Variants in ZNRF3 observed in about 807,000 individuals in gnomAD.
ZNRF3 encodes the protein zinc and ring finger 3.
Under a neutral mutation model 72.5 loss-of-function variants are expected in ZNRF3, and 23 were observed. The observed-to-expected ratio is 0.32, with a 90% CI of 0.23 to 0.45. The LOEUF is 0.45. Among genes scored for constraint, ZNRF3 ranks in the 20% least tolerant of loss-of-function variants. The pLI is 1.00. For missense variants in ZNRF3, 1,169 were observed against 1,272.1 expected (o/e 0.92, Z 1.23); for synonymous variants, 610 against 545.3 (o/e 1.12, Z -1.65).
intron 2 of ZNRF3, among the ~76,000 whole-genome samples, chr22:29,021,648 C>T (rs1316560134): frequency 2.0e-5 from 3 of 151,990 alleles, no homozygotes; most frequent in Admixed American, 6.6e-5. Context: ...CCACCATGCC[C>T]GGCTAATTTT....
chr22:29,011,026 C>T (rs967724249), intron 2 of ZNRF3, among the ~76,000 whole-genome samples: 2 of 152,222 alleles, frequency 1.3e-5, no homozygotes, highest in African/African-American at 4.8e-5. Flanking sequence ...GTCACCTGTG[C>T]TTTCGGTGTC....
chr22:28,892,292 G>A (rs1451116456), intron 1 of ZNRF3, among the ~76,000 whole-genome samples: 1 of 151,774 alleles, frequency 6.6e-6, no homozygotes, highest in African/African-American at 2.4e-5. Flanking sequence ...TAGGTGTCCA[G>A]ACAGCACACG....
At chr22:28,993,854 T>C (rs2035998697) in intron 2 of ZNRF3, among the ~76,000 whole-genome samples, 1 of 152,148 alleles carries the variant, frequency 6.6e-6, no homozygotes. Context: ...AGCTAGTTTT[T>C]AATTTTTTTG....
intron 2 of ZNRF3, among the ~76,000 whole-genome samples, chr22:29,042,220 G>C (rs1250319834): frequency 6.6e-6 from 1 of 152,144 alleles, no homozygotes; most frequent in Non-Finnish European, 1.5e-5. Flanking sequence ...AGGGTAATTC[G>C]CATATCCATT....
intron 1 of ZNRF3, among the ~76,000 whole-genome samples, chr22:28,961,666 A>C (rs1344505817): frequency 6.6e-6 from 1 of 152,214 alleles, no homozygotes; most frequent in Non-Finnish European, 1.5e-5. Flanking sequence ...AACTCTGTGA[A>C]TTAGAAAGGG....
At chr22:28,983,392 T>G (rs534091669) in intron 1 of ZNRF3, among the ~76,000 whole-genome samples, 26 of 152,326 alleles carry the variant, frequency 1.7e-4, no homozygotes, top group Non-Finnish European at 2.9e-4. Flanking sequence ...GCTCTCCACA[T>G]GCCTTTCCTG....
At chr22:28,960,161 A>G (rs1160879737) in intron 1 of ZNRF3, among the ~76,000 whole-genome samples, 5 of 152,156 alleles carry the variant, frequency 3.3e-5, no homozygotes, top group African/African-American at 1.2e-4. Flanking sequence ...TCACCTGGGA[A>G]GCATGTTAAA....
At chr22:28,921,462 G>T (rs2034511438) in intron 1 of ZNRF3, among the ~76,000 whole-genome samples, 2 of 152,174 alleles carry the variant, frequency 1.3e-5, no homozygotes, top group African/African-American at 4.8e-5. Flanking sequence ...CTCCGAATGA[G>T]CTTTGGCCTT....
chr22:28,911,774 C>G (rs1183202980), intron 1 of ZNRF3, among the ~76,000 whole-genome samples: 1 of 152,086 alleles, frequency 6.6e-6, no homozygotes, highest in African/African-American at 2.4e-5. Context: ...CCTAACCCCT[C>G]AGTTTGGGCT....
chr22:28,961,151 C>A (rs1371773928), intron 1 of ZNRF3, among the ~76,000 whole-genome samples: 1 of 152,114 alleles, frequency 6.6e-6, no homozygotes, highest in Non-Finnish European at 1.5e-5. Flanking sequence ...TCCAAGATGG[C>A]ACAAAAGGGT....
intron 1 of ZNRF3, among the ~76,000 whole-genome samples, chr22:28,912,827 G>A (rs2034343670): frequency 1.3e-5 from 2 of 152,010 alleles, no homozygotes; most frequent in Non-Finnish European, 2.9e-5. Flanking sequence ...ACCACACCCA[G>A]CTAATTTTTT....
chr22:28,965,225 T>C (rs976372134), intron 1 of ZNRF3, among the ~76,000 whole-genome samples: 1 of 152,164 alleles, frequency 6.6e-6, no homozygotes, highest in African/African-American at 2.4e-5. Flanking sequence ...TATAAGGTTG[T>C]TGTTAAGATT....
intron 2 of ZNRF3, among the ~76,000 whole-genome samples, chr22:29,028,927 T>A (rs562360157): frequency 6.6e-6 from 1 of 152,146 alleles, no homozygotes; most frequent in African/African-American, 2.4e-5. Flanking sequence ...TCCAAACCAT[T>A]CCCAGCATCC....
At chr22:28,940,530 C>G (rs1360588360) in intron 1 of ZNRF3, among the ~76,000 whole-genome samples, 1 of 144,014 alleles carries the variant, frequency 6.9e-6, no homozygotes, top group African/African-American at 2.5e-5. Context: ...TAGGAGATTG[C>G]TCCCTCTTAA....
chr22:28,896,244 C>T lies in ZNRF3; in HGVS notation c.300+12178C>T, dbSNP rs539447608. ...CCGCCTCCCGGGTTCAAGCGATTCT[C>T]CTGCCTCAGCCTCCCGAGTAGCTGG... On this transcript the variant is annotated intron_variant, in intron 1 of 8. Coordinates refer to ENST00000544604, the MANE Select transcript of ZNRF3 (RefSeq NM_001206998.2). Among the ~76,000 whole-genome samples, 214 of 152,350 alleles carry T rather than the reference C, an allele frequency of 1.4e-3. 1 individual carries two copies. Among genetic ancestry groups the T allele is most frequent in the Non-Finnish European group, 2.4e-3 (161 of 68,032 alleles).
At chr22:29,035,109 G>A (rs2036843461) in intron 2 of ZNRF3, among the ~76,000 whole-genome samples, 1 of 151,140 alleles carries the variant, frequency 6.6e-6, no homozygotes, top group Admixed American at 6.6e-5. Flanking sequence ...CTCCCAAAGT[G>A]CTGGGATTAC....
At position 28,884,035 on chromosome 22, in the gene ZNRF3, C is replaced by T. The variant is rs2033717733; in HGVS notation, c.269C>T (p.Ala90Val). 7.7e-7 allele frequency: 1 copy of T among 1,301,296 alleles called. No individual in the cohort carries two copies. The allele number at this position is 1,301,296 out of a possible 1,614,324, so 80.6% of individuals were successfully genotyped here. A position where few individuals can be genotyped will look rare whatever the true frequency, so the allele number is the denominator to read the frequency against. ...ACGGGCCGCTTCTCGCGGGCCGGGGCCACGCTCAGCGCCGAGGGCGAGATC... is the reference window on the plus strand; with the variant it reads ...ACGGGCCGCTTCTCGCGGGCCGGGGTCACGCTCAGCGCCGAGGGCGAGATC... ...GLTGRFSRAGATLSAEGEIVQ... is the reference protein window; with the variant it reads ...GLTGRFSRAGVTLSAEGEIVQ... The change falls in exon 1 of 9, where the codon GCC becomes GTC. Residue 90 changes from alanine (A) to valine (V), a missense_variant. By Grantham distance (64) the Ala-to-Val change is moderately conservative. Coordinates refer to ENST00000544604, the MANE Select transcript of ZNRF3 (RefSeq NM_001206998.2).
intron 1 of ZNRF3, among the ~76,000 whole-genome samples, chr22:28,888,350 C>T (rs2033827241): frequency 6.6e-6 from 1 of 152,172 alleles, no homozygotes; most frequent in Non-Finnish European, 1.5e-5. Flanking sequence ...ACTTAACAGG[C>T]CTGCCTCTAA....
At chr22:29,031,741 C>T (rs925367730) in intron 2 of ZNRF3, 10 of 565,450 alleles carry the variant, frequency 1.8e-5, no homozygotes, top group South Asian at 7.7e-5. Context: ...GACCTGTGGG[C>T]GTCAGGCGTG....
Sources: allele counts gnomAD v4.1 joint callset (sites outside exome capture counted in the v4.1 genomes callset), GRCh38; gene constraint gnomAD v4.1.1; transcripts MANE v1.5; gene names NCBI Gene and HGNC (gene_info 2026-07-23, HGNC 2026-07-21).